The following RAB6A variants were observed in gnomAD, a reference collection of about 807,000 sequenced individuals.
RAB6A encodes RAB6A, member RAS oncogene family.
A neutral mutation model predicts 32.3 loss-of-function variants in RAB6A; 8 were observed. The ratio of observed to expected loss-of-function variants is 0.25; its 90% CI spans 0.15 to 0.45. The LOEUF is 0.45. RAB6A is among the 20% of genes least tolerant of loss of function. The pLI, the probability that RAB6A is intolerant of heterozygous loss-of-function variation, is 1.00. For synonymous variants in RAB6A, 73 were observed against 82.1 expected, an observed-to-expected ratio of 0.89 and a Z score of 0.60; for missense variants, 104 against 249.4, an observed-to-expected ratio of 0.42 and a Z score of 3.93.
At chr11:73,680,360 A>G (rs1192977028) in intron 6 of RAB6A, among the ~76,000 whole-genome samples, 2 of 152,124 alleles carry the variant, frequency 1.3e-5, no homozygotes, top group African/African-American at 2.4e-5. Context: ...CTTTCATATA[A>G]AGAGTGAGGT....
rs758386935 is a variant in RAB6A, at chr11:73,760,640, G to T, written c.-5C>A. The T allele has an allele frequency of 6.2e-7, 1 of 1,607,852 alleles. No individual in the cohort carries two copies. The highest frequency in any genetic ancestry group is 8.5e-7 in the Non-Finnish European group (1 of 1,177,436). On this transcript the variant is annotated 5_prime_UTR_variant, in exon 1 of 8. Transcript: ENST00000336083. ...GAAGTCTCCGCCCGTGGACATTGTG[G>T]AACTAGAGGAGCGGCCGCCGCCTCA...
At position 73,739,509 on chromosome 11, in the gene RAB6A, G is replaced by C. The variant is rs144405902; in HGVS notation, c.71-8686C>G. 3.7e-3 allele frequency among the ~76,000 whole-genome samples: 557 copies of C among 148,670 alleles called. 4 individuals are homozygous for C. Among genetic ancestry groups the C allele is most frequent in the African/African-American group, 0.013 (513 of 39,210 alleles). On this transcript the variant is annotated intron_variant, in intron 1 of 7. Coordinates refer to ENST00000336083, the MANE Select transcript of RAB6A (RefSeq NM_198896.2). The stretch of plus-strand genomic sequence containing the variant: ...TTTTATTTTTTTGAATCAGGGTCTT[G>C]TTCTGTCTCAGGCTGGAGTGCAGTG...
intron 2 of RAB6A, among the ~76,000 whole-genome samples, chr11:73,728,646 T>TAATAATAAA (rs1253118702): frequency 6.8e-6 from 1 of 148,142 alleles, no homozygotes; most frequent in African/African-American, 2.5e-5. Flanking sequence ...ATAATAATAA[T>TAATAATAAA]AAATGAAATA....
At chr11:73,694,739 C>A (rs1945629559) in intron 6 of RAB6A, among the ~76,000 whole-genome samples, 1 of 152,112 alleles carries the variant, frequency 6.6e-6, no homozygotes, top group South Asian at 2.1e-4. Flanking sequence ...CCAGGTCAGG[C>A]ACAGTGGCTC....
intron 6 of RAB6A, among the ~76,000 whole-genome samples, chr11:73,683,365 C>T (rs1386981926): frequency 2.0e-5 from 3 of 151,014 alleles, no homozygotes; most frequent in Non-Finnish European, 2.9e-5. Flanking sequence ...AAGTAATCCT[C>T]CCACCTCAGC....
chr11:73,698,849 A>ATTTTTTTT (rs555410867), intron 6 of RAB6A, among the ~76,000 whole-genome samples: 1 of 118,276 alleles, frequency 8.5e-6, no homozygotes, highest in Non-Finnish European at 1.7e-5. Context: ...TTTTTTTGCG[A>ATTTTTTTT]TTTTTTTTTT....
chr11:73,688,797 A>G (rs1216098286), intron 6 of RAB6A, among the ~76,000 whole-genome samples: 4 of 152,228 alleles, frequency 2.6e-5, no homozygotes, highest in African/African-American at 9.7e-5. Context: ...CCAATCCTGA[A>G]GAGATTAACT....
At chr11:73,702,942 C>T (rs914586955) in intron 6 of RAB6A, among the ~76,000 whole-genome samples, 2 of 151,718 alleles carry the variant, frequency 1.3e-5, no homozygotes, top group Non-Finnish European at 2.9e-5. Context: ...CTGCAATCTC[C>T]GCCTCCTGGG....
intron 1 of RAB6A, among the ~76,000 whole-genome samples, chr11:73,743,359 C>A (rs2134998330): frequency 6.6e-6 from 1 of 152,034 alleles, no homozygotes; most frequent in Non-Finnish European, 1.5e-5. Context: ...TGTCCAACCT[C>A]CATACTAGCA....
intron 2 of RAB6A, among the ~76,000 whole-genome samples, chr11:73,726,664 G>A (rs1479402167): frequency 5.5e-5 from 8 of 145,198 alleles, no homozygotes; most frequent in Non-Finnish European, 9.0e-5. Flanking sequence ...TGGGAGAATC[G>A]CTTGAGCCTG....
chr11:73,693,954 A>C (rs575983345), intron 6 of RAB6A, among the ~76,000 whole-genome samples: 1 of 152,214 alleles, frequency 6.6e-6, no homozygotes, highest in South Asian at 2.1e-4. Flanking sequence ...GTTATTAGAA[A>C]TACCTCAGGA....
At chr11:73,690,870 C>T (rs1171882878) in intron 6 of RAB6A, among the ~76,000 whole-genome samples, 1 of 133,164 alleles carries the variant, frequency 7.5e-6, no homozygotes, top group Non-Finnish European at 1.6e-5. Flanking sequence ...CAACAAAATG[C>T]AGCTTCTTTT....
chr11:73,733,179 G>T (rs1455903136), intron 1 of RAB6A, among the ~76,000 whole-genome samples: 1 of 152,094 alleles, frequency 6.6e-6, no homozygotes, highest in Non-Finnish European at 1.5e-5. Context: ...CTGTTACATT[G>T]ATTTTTTTGT....
chr11:73,727,303 G>A (rs1414388680), intron 2 of RAB6A, among the ~76,000 whole-genome samples: 1 of 151,626 alleles, frequency 6.6e-6, no homozygotes, highest in African/African-American at 2.4e-5. Flanking sequence ...GCGTGTACCT[G>A]TAGTCCCAGC....
intron 1 of RAB6A, among the ~76,000 whole-genome samples, chr11:73,743,262 G>A (rs1485560779): frequency 1.4e-5 from 2 of 143,104 alleles, no homozygotes; most frequent in Non-Finnish European, 3.0e-5. Context: ...CCAAGATTGC[G>A]CCACCGCACT....
intron 1 of RAB6A, among the ~76,000 whole-genome samples, chr11:73,740,304 C>A (rs761532925): frequency 3.9e-5 from 6 of 152,080 alleles, no homozygotes; most frequent in Non-Finnish European, 5.9e-5. Flanking sequence ...GCAAAAGACA[C>A]TATCTAGTCA....
At chr11:73,709,631 G>C (rs911521869) in intron 5 of RAB6A, among the ~76,000 whole-genome samples, 53 of 149,804 alleles carry the variant, frequency 3.5e-4, no homozygotes, top group Middle Eastern at 7.1e-3. Flanking sequence ...ACATGTTCCA[G>C]CCCCACTGTT....
chr11:73,690,442 A>C (rs1335675550), intron 6 of RAB6A, among the ~76,000 whole-genome samples: 2 of 152,176 alleles, frequency 1.3e-5, no homozygotes, highest in Non-Finnish European at 2.9e-5. Flanking sequence ...GAGTGCAATG[A>C]AAATGTGATC....
chr11:73,712,112 T>C lies in RAB6A; in HGVS notation c.401+4139A>G, dbSNP rs146309974. 6.6e-5 allele frequency among the ~76,000 whole-genome samples: 10 copies of C among 152,352 alleles called. No homozygotes were observed. In the East Asian group the frequency reaches 1.9e-3, roughly 29 times the overall value. ...AAACTTTACATTTTCCCTTATTTTG[T>C]GCCATAGCATTAGTATCATTAAGAA... On this transcript the variant is annotated intron_variant, in intron 5 of 7. Transcript: ENST00000336083.
Sources: gnomAD v4.1 joint callset for allele counts (sites outside exome capture counted in the v4.1 genomes callset) on GRCh38, gnomAD v4.1.1 for gene constraint, MANE v1.5 for transcripts, NCBI Gene and HGNC (gene_info 2026-07-23, HGNC 2026-07-21) for gene names.